PCSK5: variants seen among roughly 807,000 people sequenced by gnomAD.
PCSK5 encodes the protein prohormone convertase 5.
In PCSK5, 129 loss-of-function variants were observed where a neutral mutation model predicts 233.2. The observed-to-expected ratio is 0.55, with a 90% confidence interval of 0.48 to 0.64. The LOEUF (loss-of-function observed/expected upper bound fraction) is 0.64. Ranked by LOEUF, PCSK5 falls within the 30% of genes least tolerant of loss-of-function variation. The pLI, the probability that PCSK5 is intolerant of heterozygous loss-of-function variation, is 0.00. For synonymous variants in PCSK5, 825 were observed against 879.2 expected (o/e 0.94, Z 1.09); for missense variants, 2,076 against 2,430.1 (o/e 0.85, Z 3.06).
At chr9:76,026,372 C>T (rs1014740883) in intron 4 of PCSK5, among the ~76,000 whole-genome samples, 1 of 152,050 alleles carries the variant, frequency 6.6e-6, no homozygotes, top group African/African-American at 2.4e-5. Flanking sequence ...TTATGGACTC[C>T]TTTATAGTAG....
chr9:75,909,313 G>A (rs1439654094), intron 1 of PCSK5, among the ~76,000 whole-genome samples: 3 of 151,128 alleles, frequency 2.0e-5, no homozygotes, highest in Non-Finnish European at 4.4e-5. Flanking sequence ...GTGACAGAGT[G>A]AGACTCCATC....
At chr9:76,323,932 A>ATTTTTTTTTTTTTTTTTTTTTTTT (rs60451634) in intron 32 of PCSK5, among the ~76,000 whole-genome samples, 1 of 139,406 alleles carries the variant, frequency 7.2e-6, no homozygotes, top group Non-Finnish European at 1.5e-5. Context: ...TTCCTGGGTG[A>ATTTTTTTTTTTTTTTTTTTTTTTT]TTTTTTTTTT....
At chr9:76,124,618 G>A (rs1832769497) in intron 9 of PCSK5, among the ~76,000 whole-genome samples, 1 of 151,604 alleles carries the variant, frequency 6.6e-6, no homozygotes, top group Admixed American at 6.6e-5. Flanking sequence ...GGTGGTGTGG[G>A]CCTGTAGAAC....
chr9:75,943,173 C>G (rs548298950), intron 2 of PCSK5, among the ~76,000 whole-genome samples: 2 of 152,134 alleles, frequency 1.3e-5, no homozygotes, highest in Admixed American at 1.3e-4. Context: ...GCATGAGCCA[C>G]CATGCCCGGC....
intron 13 of PCSK5, among the ~76,000 whole-genome samples, chr9:76,173,471 CTT>C (rs893197592): frequency 4.2e-5 from 4 of 95,818 alleles, no homozygotes; most frequent in African/African-American, 1.6e-4. Context: ...GTTTTACTAA[CTT>C]TAATGAAATG....
intron 5 of PCSK5, among the ~76,000 whole-genome samples, chr9:76,041,982 G>C (rs553987569): frequency 6.6e-6 from 1 of 152,082 alleles, no homozygotes; most frequent in Non-Finnish European, 1.5e-5. Context: ...CAATACTAGA[G>C]ACTGATGAAT....
intron 20 of PCSK5, among the ~76,000 whole-genome samples, chr9:76,211,717 G>A (rs1825335433): frequency 6.6e-6 from 1 of 152,208 alleles, no homozygotes. Flanking sequence ...GCATGGCGGT[G>A]CACGCCTGTG....
chr9:76,160,769 C>CTTTTTTTT (rs57054216), intron 12 of PCSK5, among the ~76,000 whole-genome samples: 1 of 148,458 alleles, frequency 6.7e-6, no homozygotes, highest in Admixed American at 6.7e-5. Context: ...AATCTGATAT[C>CTTTTTTTT]TTTTTTTTTT....
chr9:76,287,060 G>T (rs1489561630), intron 24 of PCSK5: 3 of 162,426 alleles, frequency 1.8e-5, no homozygotes, highest in African/African-American at 7.2e-5. Context: ...CGGATCACCG[G>T]TGTCTAGTGT....
At chr9:75,984,118 T>C (rs938851839) in intron 2 of PCSK5, among the ~76,000 whole-genome samples, 2 of 152,196 alleles carry the variant, frequency 1.3e-5, no homozygotes, top group Admixed American at 1.3e-4. Flanking sequence ...TTTTGTTTGG[T>C]AAAATTATAG....
At chr9:76,095,756 G>C in intron 7 of PCSK5, 134 bp from the exon 8 acceptor site, 1 of 715,292 alleles carries the variant, frequency 1.4e-6, no homozygotes. Context: ...TCCACTCCCA[G>C]AAGCTGCTTA....
intron 20 of PCSK5, among the ~76,000 whole-genome samples, chr9:76,215,415 T>G (rs543237706): frequency 2.6e-4 from 34 of 132,774 alleles, no homozygotes; most frequent in African/African-American, 9.6e-4. Flanking sequence ...ATGCTAAGCC[T>G]GCCTGGTAGC....
rs565017970 is a variant in PCSK5 at position 76,303,790 on chromosome 9, A to G, written c.3604+1573A>G. ...CACCTTTGTGACAATCCTGTGGCCA[A>G]GGTGGCTCTGCACAAGGCTAAATTC... On this transcript the variant is annotated intron_variant, in intron 28 of 37. Transcript: ENST00000674117. Among the ~76,000 whole-genome samples, 79 of 152,332 alleles carry G rather than the reference A, an allele frequency of 5.2e-4. No homozygotes were observed. The East Asian group carries it at 0.013, about 24-fold the overall frequency.
chr9:76,293,320 A>C (rs1828334844), intron 25 of PCSK5, among the ~76,000 whole-genome samples: 1 of 152,246 alleles, frequency 6.6e-6, no homozygotes, highest in Non-Finnish European at 1.5e-5. Flanking sequence ...ACATACTAAA[A>C]ATGATCAGTT....
chr9:76,289,184 G>A (rs1828184366), intron 24 of PCSK5, among the ~76,000 whole-genome samples: 1 of 152,028 alleles, frequency 6.6e-6, no homozygotes, highest in African/African-American at 2.4e-5. Context: ...AAGACAGAAA[G>A]ACGGCATCCC....
chr9:76,020,874 A>T (rs1828155204), intron 3 of PCSK5, among the ~76,000 whole-genome samples: 1 of 152,118 alleles, frequency 6.6e-6, no homozygotes, highest in African/African-American at 2.4e-5. Context: ...ACATGACTTC[A>T]TGTCACAATC....
chr9:76,289,107 G>T (rs7028123), intron 24 of PCSK5, among the ~76,000 whole-genome samples: 46,008 of 151,878 alleles, frequency 0.3, 7,560 homozygotes, highest in African/African-American at 0.43. Flanking sequence ...GCTCTCAAGA[G>T]AGAGCGGACT....
intron 14 of PCSK5, among the ~76,000 whole-genome samples, chr9:76,178,359 T>C (rs2131208291): frequency 6.6e-6 from 1 of 152,338 alleles, no homozygotes; most frequent in Admixed American, 6.5e-5. Flanking sequence ...GATGGAGAAG[T>C]CATCCCTAGT....
At chr9:75,914,831 G>T (rs949460083) in intron 1 of PCSK5, among the ~76,000 whole-genome samples, 1 of 152,102 alleles carries the variant, frequency 6.6e-6, no homozygotes, top group African/African-American at 2.4e-5. Flanking sequence ...AGCATGTGTA[G>T]GTATATGGCA....
Sources: allele counts gnomAD v4.1 joint callset (sites outside exome capture counted in the v4.1 genomes callset), GRCh38; gene constraint gnomAD v4.1.1; transcripts MANE v1.5; gene names NCBI Gene and HGNC (gene_info 2026-07-23, HGNC 2026-07-21).